TANC1: variants seen among roughly 807,000 people sequenced by gnomAD.
TANC1 encodes the protein protein TANC1.
TANC1 carries 77 observed loss-of-function variants against 149.7 expected under a neutral mutation model. The ratio of observed to expected loss-of-function variants is 0.51; its 90% CI spans 0.43 to 0.62. TANC1 has a LOEUF of 0.62. Among genes scored for constraint, TANC1 ranks in the 20% least tolerant of loss-of-function variants. TANC1 has a pLI of 0.00. For synonymous variants in TANC1, 854 were observed against 925.0 expected, an observed-to-expected ratio of 0.92 and a Z score of 1.39; for missense variants, 1,985 against 2,321.8, an observed-to-expected ratio of 0.85 and a Z score of 2.98.
At chr2:159,197,069 C>T (rs1402853427) in intron 18 of TANC1, among the ~76,000 whole-genome samples, 1 of 152,218 alleles carries the variant, frequency 6.6e-6, no homozygotes, top group Non-Finnish European at 1.5e-5. Flanking sequence ...TCCTCCTTCC[C>T]TGCTCTGCCC....
chr2:159,227,565 A>G (rs541578887), intron 24 of TANC1: 15 of 489,364 alleles, frequency 3.1e-5, no homozygotes, highest in East Asian at 1.8e-4. Context: ...AGCAGTTTAC[A>G]GACACCTTAT....
chr2:158,969,554 G>A (rs2032518994), intron 1 of TANC1, among the ~76,000 whole-genome samples: 1 of 152,212 alleles, frequency 6.6e-6, no homozygotes, highest in Admixed American at 6.5e-5. Flanking sequence ...CAGGGCACTG[G>A]CTTCCTGGAG....
At chr2:158,983,618 C>T (rs1022196865) in intron 1 of TANC1, among the ~76,000 whole-genome samples, 1 of 152,068 alleles carries the variant, frequency 6.6e-6, no homozygotes, top group Admixed American at 6.5e-5. Context: ...TGTGAAGCTC[C>T]TCAGACTTTT....
intron 7 of TANC1, among the ~76,000 whole-genome samples, chr2:159,153,285 G>C (rs557859600): frequency 2.6e-4 from 39 of 152,326 alleles, no homozygotes; most frequent in African/African-American, 8.4e-4. Flanking sequence ...TGATGACAGA[G>C]TTAGCACATT....
At chr2:158,999,455 T>C (rs1474256582) in intron 1 of TANC1, among the ~76,000 whole-genome samples, 4 of 152,190 alleles carry the variant, frequency 2.6e-5, no homozygotes, top group African/African-American at 9.7e-5. Context: ...GTGAATATTA[T>C]TGCCTCCCTC....
intron 2 of TANC1, among the ~76,000 whole-genome samples, chr2:159,043,861 G>T (rs531112164): frequency 2.0e-5 from 3 of 151,972 alleles, no homozygotes; most frequent in Non-Finnish European, 2.9e-5. Context: ...GCTCCTTATC[G>T]CTCCTGGAAG....
At chr2:158,984,913 A>G (rs1004844512) in intron 1 of TANC1, among the ~76,000 whole-genome samples, 7 of 152,178 alleles carry the variant, frequency 4.6e-5, no homozygotes, top group African/African-American at 1.7e-4. Flanking sequence ...CCAGATTGCA[A>G]AGGCCTTGCA....
intron 1 of TANC1, among the ~76,000 whole-genome samples, chr2:158,985,916 T>C (rs556769381): frequency 2.6e-5 from 4 of 152,294 alleles, no homozygotes; most frequent in African/African-American, 4.8e-5. Flanking sequence ...GCTGCGATTA[T>C]AAGCATGAGC....
At chr2:159,198,154 TAAG>T (rs1358957475) in intron 18 of TANC1, among the ~76,000 whole-genome samples, 1 of 152,194 alleles carries the variant, frequency 6.6e-6, no homozygotes, top group Non-Finnish European at 1.5e-5. Flanking sequence ...CTGTCCCTCT[TAAG>T]AGGATGGTTG....
chr2:158,974,624 G>T (rs2149177663), intron 1 of TANC1, among the ~76,000 whole-genome samples: 1 of 152,122 alleles, frequency 6.6e-6, no homozygotes, highest in African/African-American at 2.4e-5. Flanking sequence ...GTAAAGATGG[G>T]GTTTCACCAT....
At chr2:159,141,403 T>A (rs1210293870) in intron 5 of TANC1, among the ~76,000 whole-genome samples, 1 of 152,160 alleles carries the variant, frequency 6.6e-6, no homozygotes, top group Non-Finnish European at 1.5e-5. Flanking sequence ...AGTGAGAGGA[T>A]AAAGTCTCAA....
intron 4 of TANC1, among the ~76,000 whole-genome samples, chr2:159,122,216 G>A (rs938781963): frequency 3.9e-5 from 6 of 152,200 alleles, no homozygotes; most frequent in African/African-American, 9.7e-5. Flanking sequence ...GGAATTACAG[G>A]TGTGAGCCAC....
At chr2:159,189,909 G>A (rs905369504) in intron 16 of TANC1, among the ~76,000 whole-genome samples, 1 of 152,186 alleles carries the variant, frequency 6.6e-6, no homozygotes, top group Admixed American at 6.5e-5. Flanking sequence ...TTTAGGGGAA[G>A]GTGATGGAGG....
At chr2:159,219,649 C>T in intron 21 of TANC1, 43 bp from the exon 22 acceptor site, 8 of 1,611,102 alleles carry the variant, frequency 5.0e-6, no homozygotes, top group Non-Finnish European at 6.8e-6. Flanking sequence ...CTGGCTTTGT[C>T]ATCTCATAAT....
At chr2:159,042,677 G>A (rs917605498) in intron 2 of TANC1, among the ~76,000 whole-genome samples, 11 of 152,116 alleles carry the variant, frequency 7.2e-5, no homozygotes, top group Admixed American at 3.3e-4. Context: ...GGGGGGTGGT[G>A]TGGGCATGCA....
chr2:158,981,526 TATATATATATATATATAA>T lies in TANC1; in HGVS notation c.-126+12746_-126+12763del, dbSNP rs1345386463. ...ATATATATATATATATATATATATA[TATATATATATATATATAA>T]AGAAGTAACAGCTTAGAGTTTAAAA... On this transcript the variant is annotated intron_variant, in intron 1 of 26. Transcript: ENST00000263635. Among the ~76,000 whole-genome samples, 98 of 120,932 alleles carry T rather than the reference TATATATATATATATATAA, an allele frequency of 8.1e-4. 1 individual carries two copies. The highest frequency in any genetic ancestry group is 1.5e-3 in the Non-Finnish European group (88 of 56,808). The allele number at this position is 120,932 out of a possible 152,430, so 79.3% of individuals were successfully genotyped here.
chr2:159,019,930 A>G (rs1162984685), intron 2 of TANC1, among the ~76,000 whole-genome samples: 3 of 151,864 alleles, frequency 2.0e-5, no homozygotes, highest in African/African-American at 7.3e-5. Context: ...ATGCATGCTG[A>G]GCAAAAGTCT....
chr2:158,984,765 A>G (rs566857479), intron 1 of TANC1, among the ~76,000 whole-genome samples: 16 of 152,174 alleles, frequency 1.1e-4, no homozygotes, highest in African/African-American at 3.6e-4. Context: ...CAGGTGGGAA[A>G]GAGGGTGAGA....
intron 5 of TANC1, 25 bp downstream of exon 5, chr2:159,136,323 C>T: frequency 7.7e-7 from 1 of 1,298,808 alleles, no homozygotes; most frequent in Non-Finnish European, 1.1e-6. Flanking sequence ...GATTTCCTTC[C>T]CCCTCTACCA....
Sources: gnomAD v4.1 joint callset for allele counts (sites outside exome capture counted in the v4.1 genomes callset) on GRCh38, gnomAD v4.1.1 for gene constraint, MANE v1.5 for transcripts, NCBI Gene and HGNC (gene_info 2026-07-23, HGNC 2026-07-21) for gene names.